The following NOS1 variants were observed in gnomAD, a reference collection of about 807,000 sequenced individuals.
NOS1 encodes the protein NOS type I.
Under a neutral mutation model 164.5 loss-of-function variants are expected in NOS1, and 51 were observed. That is an observed-to-expected ratio of 0.31 (90% CI 0.25 to 0.39). The LOEUF (loss-of-function observed/expected upper bound fraction) is 0.39, where lower values mean the gene tolerates loss of function less well. Ranked by LOEUF, NOS1 falls within the 10% of genes least tolerant of loss-of-function variation. The pLI is 1.00. For missense variants in NOS1, 1,362 were observed against 1,885.6 expected (o/e 0.72, Z 5.14); for synonymous variants, 719 against 745.8 (o/e 0.96, Z 0.59).
intron 20 of NOS1, among the ~76,000 whole-genome samples, chr12:117,235,812 G>C (rs1869661125): frequency 6.6e-6 from 1 of 152,204 alleles, no homozygotes; most frequent in Non-Finnish European, 1.5e-5. Context: ...GGAGGTGGAG[G>C]TACACAGATC....
At position 117,286,841 on chromosome 12, in the gene NOS1, T is replaced by C. The variant is rs372073299; in HGVS notation, c.1128-575A>G. Among the ~76,000 whole-genome samples, 15 of 152,322 alleles carry C rather than the reference T, an allele frequency of 9.8e-5. No individual in the cohort carries two copies. In the East Asian group the frequency reaches 2.9e-3, roughly 29 times the overall value. On this transcript the variant is annotated intron_variant, in intron 5 of 28. Coordinates refer to ENST00000317775, the MANE Select transcript of NOS1 (RefSeq NM_000620.5). ...TTGAACCTGGCATTTACCATTCTCA[T>C]ACACTTGTTCATATCTTTGCCACAT...
chr12:117,210,174 T>C lies in NOS1; in HGVS notation c.*5135A>G, dbSNP rs1442304610. Reference sequence around the variant, plus strand: ...TTTTTTTTTTTTAGTAGAGACGAGATTGCGCTGTGTTGCCCAAGCTGGTCT... The same window carrying C: ...TTTTTTTTTTTTAGTAGAGACGAGACTGCGCTGTGTTGCCCAAGCTGGTCT... On this transcript the variant is annotated 3_prime_UTR_variant, in exon 29 of 29. Coordinates refer to ENST00000317775, the MANE Select transcript of NOS1 (RefSeq NM_000620.5). The C allele has an allele frequency of 4.1e-6, 2 of 491,960 alleles. No homozygotes were observed. Among genetic ancestry groups the C allele is most frequent in the African/African-American group, 4.3e-5 (2 of 46,310 alleles). 30.5% of individuals were successfully genotyped at this position (491,960 alleles called of 1,614,324 possible). A position where few individuals can be genotyped will look rare whatever the true frequency, so the allele number is the denominator to read the frequency against.
intron 4 of NOS1, among the ~76,000 whole-genome samples, chr12:117,288,895 AC>A (rs1324607934): frequency 1.3e-5 from 2 of 152,236 alleles, no homozygotes; most frequent in Admixed American, 6.5e-5. Flanking sequence ...ATCCTAGACC[AC>A]CCTGACCTTA....
chr12:117,353,021 CATCCATCCATCT>C (rs1876696555), intron 1 of NOS1, among the ~76,000 whole-genome samples: 1 of 151,992 alleles, frequency 6.6e-6, no homozygotes, highest in African/African-American at 2.4e-5. Context: ...TCTATCCATC[CATCCATCCATCT>C]ATCCATCCAT....
intron 23 of NOS1, 99 bp downstream of exon 23, chr12:117,227,332 G>C: frequency 1.8e-6 from 2 of 1,127,128 alleles, no homozygotes; most frequent in Non-Finnish European, 2.6e-6. Context: ...TCTTCCCAGG[G>C]ATTTGGGATT....
intron 14 of NOS1, among the ~76,000 whole-genome samples, chr12:117,260,231 C>T (rs778651075): frequency 1.3e-5 from 2 of 152,048 alleles, no homozygotes; most frequent in Non-Finnish European, 1.5e-5. Context: ...TCTTATAAAC[C>T]CTCTAACATT....
intron 17 of NOS1, among the ~76,000 whole-genome samples, chr12:117,249,748 G>A (rs1433507480): frequency 1.3e-5 from 2 of 151,956 alleles, no homozygotes; most frequent in Non-Finnish European, 2.9e-5. Context: ...TCTCTATGTT[G>A]AGGTGGGGAC....
chr12:117,232,602 C>T (rs1414416705), intron 21 of NOS1, among the ~76,000 whole-genome samples: 2 of 152,128 alleles, frequency 1.3e-5, no homozygotes, highest in African/African-American at 2.4e-5. Flanking sequence ...CAATCCAAGA[C>T]AGTGTTATTC....
At chr12:117,323,384 T>G (rs1225529850) in intron 2 of NOS1, among the ~76,000 whole-genome samples, 2 of 152,216 alleles carry the variant, frequency 1.3e-5, no homozygotes, top group African/African-American at 4.8e-5. Context: ...TTAAAAAATG[T>G]GATGGCTAGA....
chr12:117,245,639 T>C (rs10850804), intron 18 of NOS1: 53,323 of 152,462 alleles, frequency 0.35, 9,882 homozygotes, highest in East Asian at 0.55. Context: ...GAACGTTGTA[T>C]GTGAAATGTG....
intron 1 of NOS1, among the ~76,000 whole-genome samples, chr12:117,349,016 G>T (rs1876493152): frequency 6.6e-6 from 1 of 152,190 alleles, no homozygotes; most frequent in Non-Finnish European, 1.5e-5. Flanking sequence ...CTAGGTCAGG[G>T]TATAAAGAAA....
chr12:117,229,530 A>G (rs1869000956), intron 22 of NOS1, among the ~76,000 whole-genome samples: 1 of 150,274 alleles, frequency 6.7e-6, no homozygotes, highest in Admixed American at 6.6e-5. Context: ...TTTGGAAGAA[A>G]TGAACTAATA....
intron 16 of NOS1, among the ~76,000 whole-genome samples, chr12:117,254,049 A>G (rs529622031): frequency 6.6e-6 from 1 of 152,318 alleles, no homozygotes; most frequent in East Asian, 1.9e-4. Context: ...GTAAGAAGTC[A>G]GGAACAGAAC....
At chr12:117,251,155 TG>T (rs1330831738) in intron 17 of NOS1, among the ~76,000 whole-genome samples, 12 of 152,162 alleles carry the variant, frequency 7.9e-5, no homozygotes, top group African/African-American at 2.9e-4. Context: ...AGGACACAGC[TG>T]GAAGGCACCG....
chr12:117,222,446 G>T (rs1229086563), intron 26 of NOS1, among the ~76,000 whole-genome samples: 1 of 152,014 alleles, frequency 6.6e-6, no homozygotes, highest in Non-Finnish European at 1.5e-5. Flanking sequence ...AGTAGACAGG[G>T]TTTCACCATG....
At chr12:117,299,836 G>T (rs1873695412) in intron 3 of NOS1, among the ~76,000 whole-genome samples, 1 of 151,940 alleles carries the variant, frequency 6.6e-6, no homozygotes, top group Non-Finnish European at 1.5e-5. Flanking sequence ...AACTTTTTAA[G>T]CTTTCTCCAA....
At chr12:117,305,746 T>C (rs1426207437) in intron 3 of NOS1, among the ~76,000 whole-genome samples, 1 of 151,486 alleles carries the variant, frequency 6.6e-6, no homozygotes, top group Non-Finnish European at 1.5e-5. Context: ...TTTGGAAAAT[T>C]GAATCTCAGA....
chr12:117,329,373 G>C (rs115428106), intron 2 of NOS1, among the ~76,000 whole-genome samples: 92 of 152,212 alleles, frequency 6.0e-4, no homozygotes, highest in African/African-American at 2.0e-3. Context: ...AGATCTCTAA[G>C]TGCTCTGAGG....
At chr12:117,325,299 A>G (rs1296684023) in intron 2 of NOS1, among the ~76,000 whole-genome samples, 1 of 152,228 alleles carries the variant, frequency 6.6e-6, no homozygotes, top group East Asian at 1.9e-4. Flanking sequence ...GCCCGTCACA[A>G]GAGTGACCCC....
Sources: allele counts gnomAD v4.1 joint callset (sites outside exome capture counted in the v4.1 genomes callset), GRCh38; gene constraint gnomAD v4.1.1; transcripts MANE v1.5; gene names NCBI Gene and HGNC (gene_info 2026-07-23, HGNC 2026-07-21).